The following PSPH variants were observed in gnomAD, a reference collection of about 807,000 sequenced individuals.
PSPH encodes L-3-phosphoserine phosphatase.
Under a neutral mutation model 23.4 loss-of-function variants are expected in PSPH, and 16 were observed. That is an observed-to-expected ratio of 0.68 (90% CI 0.46 to 1.04). The LOEUF (loss-of-function observed/expected upper bound fraction) is 1.04. Among genes scored for constraint, PSPH ranks in the 50% least tolerant of loss-of-function variants. PSPH has a pLI of 0.00. For missense variants in PSPH, 223 were observed against 273.7 expected, an observed-to-expected ratio of 0.81 and a Z score of 1.31; for synonymous variants, 68 against 99.7, an observed-to-expected ratio of 0.68 and a Z score of 1.89.
At chr7:56,043,843 T>C (rs1457079159) in intron 1 of PSPH, among the ~76,000 whole-genome samples, 1 of 151,962 alleles carries the variant, frequency 6.6e-6, no homozygotes, top group Non-Finnish European at 1.5e-5. Flanking sequence ...AACAAATGAA[T>C]AAAGTTATGA....
intron 3 of PSPH, among the ~76,000 whole-genome samples, chr7:56,030,037 A>T (rs1228806949): frequency 6.6e-6 from 1 of 151,606 alleles, no homozygotes; most frequent in Non-Finnish European, 1.5e-5. Context: ...AAAGGTTCTG[A>T]ATCAGAGGAG....
At chr7:56,050,214 G>A (rs1268936297) in intron 1 of PSPH, among the ~76,000 whole-genome samples, 1 of 152,120 alleles carries the variant, frequency 6.6e-6, no homozygotes, top group Non-Finnish European at 1.5e-5. Flanking sequence ...ATTCACTGCA[G>A]TCTGAATAGC....
intron 3 of PSPH, among the ~76,000 whole-genome samples, chr7:56,023,949 CAG>C (rs1373156580): frequency 2.4e-4 from 36 of 151,362 alleles, no homozygotes; most frequent in Non-Finnish European, 3.5e-4. Flanking sequence ...TTGTTTGAGA[CAG>C]AGTCTGGCTC....
At chr7:56,038,390 C>T (rs1357657355) in intron 1 of PSPH, among the ~76,000 whole-genome samples, 1 of 151,836 alleles carries the variant, frequency 6.6e-6, no homozygotes, top group Non-Finnish European at 1.5e-5. Context: ...ACCCAAGAGG[C>T]GGAGCTTGCA....
chr7:56,033,263 G>A (rs1791270409), intron 2 of PSPH: 1 of 151,984 alleles, frequency 6.6e-6, no homozygotes, highest in South Asian at 2.1e-4. Flanking sequence ...AGGCAGAGGT[G>A]GAGGCAGGTG....
chr7:56,023,988 G>A (rs971025569), intron 3 of PSPH, among the ~76,000 whole-genome samples: 10 of 151,630 alleles, frequency 6.6e-5, no homozygotes, highest in Admixed American at 2.6e-4. Flanking sequence ...GTGCAGTGGC[G>A]CGATCTCCGC....
intron 1 of PSPH, among the ~76,000 whole-genome samples, chr7:56,044,515 T>A (rs1792972865): frequency 6.6e-6 from 1 of 152,168 alleles, no homozygotes; most frequent in South Asian, 2.1e-4. Context: ...GTTTCATCTA[T>A]AATAACCGAG....
At chr7:56,015,875 C>T (rs1474182605) in intron 6 of PSPH, among the ~76,000 whole-genome samples, 1 of 151,510 alleles carries the variant, frequency 6.6e-6, no homozygotes, top group Non-Finnish European at 1.5e-5. Flanking sequence ...CCAGGCTGGT[C>T]TCAAACTCCT....
intron 1 of PSPH, among the ~76,000 whole-genome samples, chr7:56,044,363 T>C (rs1263687784): frequency 6.6e-6 from 1 of 152,024 alleles, no homozygotes; most frequent in African/African-American, 2.4e-5. Flanking sequence ...ATTGCAAAAC[T>C]AAGACTAAAT....
rs973880921 is a variant in PSPH at position 56,011,665 on chromosome 7, T to C, written c.*97A>G. 4.7e-5 allele frequency: 43 copies of C among 921,416 alleles called. No individual in the cohort carries two copies. Among genetic ancestry groups the C allele is most frequent in the African/African-American group, 9.8e-5 (6 of 61,050 alleles). The allele number at this position is 921,416 out of a possible 1,614,324, so 57.1% of individuals were successfully genotyped here. A position where few individuals can be genotyped will look rare whatever the true frequency, so the allele number is the denominator to read the frequency against. ...ACAGATCATTTGTACCAACTTTCTA[T>C]AGCAAGTTGTAATAGGCAACTGTAA... On this transcript the variant is annotated 3_prime_UTR_variant, in exon 8 of 8. Coordinates refer to ENST00000275605, the MANE Select transcript of PSPH (RefSeq NM_004577.4).
chr7:56,031,088 G>A (rs577848655), intron 3 of PSPH, among the ~76,000 whole-genome samples: 12 of 151,732 alleles, frequency 7.9e-5, no homozygotes, highest in South Asian at 6.3e-4. Flanking sequence ...GCGGGCGCCT[G>A]TAGTCCCAGC....
chr7:56,019,804 C>T lies in PSPH; in HGVS notation c.141-70G>A, dbSNP rs767884303. ...TCAAGGTTAACATGCCTTACTGCCC[C>T]GGGTCTGCACGACATCCACCAAAAG... is the stretch of plus-strand genomic sequence containing the variant. On this transcript the variant is annotated intron_variant, in intron 4 of 7. Transcript: ENST00000275605. 1.3e-5 allele frequency: 20 copies of T among 1,590,372 alleles called. No homozygotes were observed. The South Asian group carries it at 1.4e-4, about 11-fold the overall frequency.
At chr7:56,039,131 A>T (rs1199354971) in intron 1 of PSPH, among the ~76,000 whole-genome samples, 5 of 151,392 alleles carry the variant, frequency 3.3e-5, no homozygotes, top group Non-Finnish European at 7.4e-5. Flanking sequence ...CCGGGAAACA[A>T]GAACAAAACT....
intron 6 of PSPH, among the ~76,000 whole-genome samples, chr7:56,016,539 T>TCCATTAAC (rs1309695771): frequency 2.0e-5 from 3 of 151,554 alleles, no homozygotes; most frequent in Admixed American, 6.6e-5. Context: ...AGTTCAGTAA[T>TCCATTAAC]CCATTAACAA....
chr7:56,027,491 C>A (rs965173364), intron 3 of PSPH, among the ~76,000 whole-genome samples: 2 of 149,708 alleles, frequency 1.3e-5, no homozygotes, highest in Admixed American at 1.3e-4. Flanking sequence ...TTTGGGAGGC[C>A]AAGGCAGGCG....
intron 7 of PSPH, among the ~76,000 whole-genome samples, chr7:56,014,436 C>T (rs368869702): frequency 1.3e-5 from 2 of 152,152 alleles, no homozygotes; most frequent in African/African-American, 2.4e-5. Context: ...TTTATTACTT[C>T]ATTTTTATCT....
At chr7:56,037,149 GTGT>G (rs1210045187) in intron 1 of PSPH, among the ~76,000 whole-genome samples, 1 of 147,800 alleles carries the variant, frequency 6.8e-6, no homozygotes. Flanking sequence ...ACTCCAGCCT[GTGT>G]GACAAAGCCA....
intron 3 of PSPH, among the ~76,000 whole-genome samples, chr7:56,028,704 C>A (rs1790543110): frequency 6.6e-6 from 1 of 152,118 alleles, no homozygotes; most frequent in Admixed American, 6.6e-5. Flanking sequence ...TCAACTCCCT[C>A]CCTGCTTGAT....
At chr7:56,026,286 G>A (rs572907670) in intron 3 of PSPH, among the ~76,000 whole-genome samples, 15 of 151,828 alleles carry the variant, frequency 9.9e-5, no homozygotes, top group African/African-American at 3.6e-4. Context: ...GACCCGCCTG[G>A]CCAACATGGT....
Sources: gnomAD v4.1 joint callset for allele counts (sites outside exome capture counted in the v4.1 genomes callset) on GRCh38, gnomAD v4.1.1 for gene constraint, MANE v1.5 for transcripts, NCBI Gene and HGNC (gene_info 2026-07-23, HGNC 2026-07-21) for gene names.